Variants in PIK3C2G observed in about 807,000 individuals in gnomAD.
PIK3C2G encodes phosphatidylinositol 3-kinase C2 domain-containing subunit gamma.
PIK3C2G carries 168 observed loss-of-function variants against 181.1 expected under a neutral mutation model. That is an observed-to-expected ratio of 0.93 (90% confidence interval 0.82 to 1.05). The LOEUF (loss-of-function observed/expected upper bound fraction) is 1.05. Ranked by LOEUF, PIK3C2G falls within the 50% of genes least tolerant of loss-of-function variation. The pLI is 0.00. For synonymous variants in PIK3C2G, 573 were observed against 592.2 expected (o/e 0.97, Z 0.47); for missense variants, 1,869 against 1,732.8 (o/e 1.08, Z -1.40).
chr12:18,634,480 A>G (rs1481159017), intron 31 of PIK3C2G, among the ~76,000 whole-genome samples: 1 of 152,180 alleles, frequency 6.6e-6, no homozygotes, highest in Non-Finnish European at 1.5e-5. Context: ...TTTTCACAGT[A>G]TTTATTCCAG....
chr12:18,661,931 C>G, the PIK3C2G span, among the ~76,000 whole-genome samples: 1 of 152,032 alleles, frequency 6.6e-6, no homozygotes, highest in Non-Finnish European at 1.5e-5. Context: ...AAATACTACA[C>G]ATCCATAAAA....
intron 20 of PIK3C2G, among the ~76,000 whole-genome samples, chr12:18,492,777 A>T (rs1223234467): frequency 1.3e-5 from 2 of 152,170 alleles, no homozygotes; most frequent in Non-Finnish European, 2.9e-5. Flanking sequence ...TTAAAATTAC[A>T]TATAAGTTTG....
chr12:18,266,013 TAAAAAAAAA>T (rs61315448), intron 1 of PIK3C2G, among the ~76,000 whole-genome samples: 8 of 61,770 alleles, frequency 1.3e-4, no homozygotes, highest in Non-Finnish European at 2.2e-4. Context: ...AGACTTCATC[TAAAAAAAAA>T]AAAAAAAAAA....
At chr12:18,644,940 AC>A (rs1266803482) in intron 32 of PIK3C2G, among the ~76,000 whole-genome samples, 1 of 152,110 alleles carries the variant, frequency 6.6e-6, no homozygotes, top group Non-Finnish European at 1.5e-5. Context: ...TATTTACTAG[AC>A]CCTTGTGTCA....
intron 11 of PIK3C2G, among the ~76,000 whole-genome samples, chr12:18,347,317 C>T (rs573279156): frequency 1.9e-4 from 29 of 152,098 alleles, no homozygotes; most frequent in East Asian, 9.7e-4. Context: ...GAATTATTTG[C>T]GTTTCAATAG....
chr12:18,602,367 C>T (rs912144692), intron 30 of PIK3C2G, among the ~76,000 whole-genome samples: 1 of 151,362 alleles, frequency 6.6e-6, no homozygotes, highest in African/African-American at 2.4e-5. Flanking sequence ...CCACAGCAGT[C>T]GCAGCAAGAC....
the PIK3C2G span, among the ~76,000 whole-genome samples, chr12:18,692,420 T>A: frequency 1.3e-5 from 2 of 152,170 alleles, no homozygotes; most frequent in Non-Finnish European, 2.9e-5. Flanking sequence ...AAAATAAGCA[T>A]AGCACTTAGG....
intron 15 of PIK3C2G, among the ~76,000 whole-genome samples, chr12:18,395,028 T>C (rs1397425298): frequency 2.6e-5 from 3 of 115,018 alleles, no homozygotes; most frequent in Non-Finnish European, 3.9e-5. Flanking sequence ...TCTTTCTTTC[T>C]TTCTTTGTTT....
chr12:18,544,900 A>G (rs1565493200), intron 25 of PIK3C2G, among the ~76,000 whole-genome samples: 1 of 151,756 alleles, frequency 6.6e-6, no homozygotes, highest in Non-Finnish European at 1.5e-5. Context: ...TCTCAATTCT[A>G]CTTCCTACAT....
the PIK3C2G span, among the ~76,000 whole-genome samples, chr12:18,657,475 C>A: frequency 6.6e-6 from 1 of 152,140 alleles, no homozygotes. Context: ...TGAAGGCATG[C>A]CTCAACATTC....
At chr12:18,675,280 TAAAC>T in the PIK3C2G span, among the ~76,000 whole-genome samples, 1 of 152,190 alleles carries the variant, frequency 6.6e-6, no homozygotes, top group Non-Finnish European at 1.5e-5. Flanking sequence ...TGTAGTCTCA[TAAAC>T]AAATCGATGG....
At chr12:18,701,706 C>A in the PIK3C2G span, 10 of 1,611,576 alleles carry the variant, frequency 6.2e-6, no homozygotes, top group East Asian at 9.0e-5. Flanking sequence ...CTTATCAGAA[C>A]CTTTTCTTTC....
chr12:18,415,485 C>A (rs924621694), intron 16 of PIK3C2G, among the ~76,000 whole-genome samples: 2 of 152,150 alleles, frequency 1.3e-5, no homozygotes, highest in Non-Finnish European at 2.9e-5. Context: ...TTCCTTGGGC[C>A]TCCCTGTTCC....
chr12:18,499,903 T>G (rs1941292714), intron 22 of PIK3C2G, among the ~76,000 whole-genome samples: 1 of 152,124 alleles, frequency 6.6e-6, no homozygotes, highest in African/African-American at 2.4e-5. Flanking sequence ...CATACTCAAT[T>G]AGAACATTTT....
chr12:18,432,969 C>A (rs1946245663), intron 18 of PIK3C2G, among the ~76,000 whole-genome samples: 1 of 147,866 alleles, frequency 6.8e-6, no homozygotes, highest in African/African-American at 2.5e-5. Context: ...CATTCAAGTA[C>A]TGAAGATGTG....
chr12:18,562,226 G>A (rs1403898114), intron 26 of PIK3C2G, among the ~76,000 whole-genome samples: 3 of 152,226 alleles, frequency 2.0e-5, no homozygotes, highest in South Asian at 2.1e-4. Flanking sequence ...CCGCCTCCCG[G>A]GTTCACGCCA....
intron 24 of PIK3C2G, among the ~76,000 whole-genome samples, chr12:18,537,408 T>G (rs1943917125): frequency 6.6e-6 from 1 of 152,022 alleles, no homozygotes; most frequent in Non-Finnish European, 1.5e-5. Flanking sequence ...TCTCTGCTAT[T>G]CTCTGTTAGA....
chr12:18,351,839 G>A (rs1175299479), intron 11 of PIK3C2G, among the ~76,000 whole-genome samples: 4 of 152,146 alleles, frequency 2.6e-5, no homozygotes, highest in Non-Finnish European at 5.9e-5. Flanking sequence ...GAAATGTGTT[G>A]TGAGGCATTA....
the PIK3C2G span, among the ~76,000 whole-genome samples, chr12:18,721,401 G>T: frequency 9.9e-5 from 15 of 152,110 alleles, no homozygotes; most frequent in African/African-American, 3.6e-4. Context: ...GAAATGCAAG[G>T]TCCTGGCTGT....
Sources: gnomAD v4.1 joint callset for allele counts (sites outside exome capture counted in the v4.1 genomes callset) on GRCh38, gnomAD v4.1.1 for gene constraint, MANE v1.5 for transcripts, NCBI Gene and HGNC (gene_info 2026-07-23, HGNC 2026-07-21) for gene names.